KIF13B: variants seen among roughly 807,000 people sequenced by gnomAD.
KIF13B encodes kinesin-like protein KIF13B.
A neutral mutation model predicts 222.0 loss-of-function variants in KIF13B; 127 were observed. The observed-to-expected ratio is 0.57, with a 90% CI of 0.50 to 0.66. The LOEUF (loss-of-function observed/expected upper bound fraction) is 0.66. KIF13B is among the 30% of genes least tolerant of loss of function. The pLI, the probability that KIF13B is intolerant of heterozygous loss-of-function variation, is 0.00. For missense variants in KIF13B, 2,173 were observed against 2,379.0 expected, an observed-to-expected ratio of 0.91 and a Z score of 1.80; for synonymous variants, 976 against 919.0, an observed-to-expected ratio of 1.06 and a Z score of -1.12.
At position 29,084,978 on chromosome 8, in the gene KIF13B, AAAAC is replaced by A. The variant is rs369008674; in HGVS notation, c.4458+7763_4458+7766del. On this transcript the variant is annotated intron_variant, in intron 37 of 39. Transcript: ENST00000524189. ...CTCAGACAGAAATTGACTACAAACA[AAAAC>A]AAATCTCCATAAAAATGAGAAACAT... 2.0e-4 allele frequency among the ~76,000 whole-genome samples: 30 copies of A among 152,374 alleles called. 1 individual carries two copies. The highest frequency in any genetic ancestry group is 6.7e-4 in the African/African-American group (28 of 41,594).
At chr8:29,142,443 C>T in intron 18 of KIF13B, 140 bp from the exon 19 acceptor site, 1 of 716,208 alleles carries the variant, frequency 1.4e-6, no homozygotes, top group East Asian at 2.7e-5. Flanking sequence ...ATTACAAAGC[C>T]TCCAAAAAGT....
At chr8:29,214,272 GATTCTTGTAATAACAGTCAGGTTAAAAC>G (rs1349936154) in intron 2 of KIF13B, among the ~76,000 whole-genome samples, 2 of 151,322 alleles carry the variant, frequency 1.3e-5, no homozygotes, top group Non-Finnish European at 2.9e-5. Context: ...TTAACTTTTT[GATTCTTGTAATAACAGTCAGGTTAAAAC>G]ACAAACACTA....
chr8:29,219,842 C>T lies in KIF13B; in HGVS notation c.150-23643G>A, dbSNP rs978039536. Among the ~76,000 whole-genome samples the T allele has an allele frequency of 3.3e-5, 5 of 152,116 alleles. No homozygotes were observed. The East Asian group carries it at 5.8e-4, about 18-fold the overall frequency. ...CTGTGGGAGGCCAAGGCAGGCAGAT[C>T]GCTTGAACCCAGGAATTCAAGACCA... On this transcript the variant is annotated intron_variant, in intron 2 of 39. Transcript: ENST00000524189.
Position 29,070,771 on chromosome 8 carries a change from G to T in KIF13B, c.5219-5C>A. On this transcript the variant is annotated splice_polypyrimidine_tract_variant and splice_region_variant and intron_variant, in intron 39 of 39. Coordinates refer to ENST00000524189, the MANE Select transcript of KIF13B (RefSeq NM_015254.4). This position sits in a 1 kb window ranked among gnomAD's most constrained non-coding sequence, Gnocchi z 4.1. ...CGATGGAACCGTCATTCTTACCTGC[G>T]GGGGAAGGAGAGGGTGATATGGAGG... 1 of 1,586,214 alleles carries T rather than the reference G, an allele frequency of 6.3e-7. No homozygotes were observed. The highest frequency in any genetic ancestry group is 2.3e-5 in the East Asian group (1 of 43,478).
At chr8:29,106,688 A>C (rs1809088621) in intron 35 of KIF13B, among the ~76,000 whole-genome samples, 1 of 150,786 alleles carries the variant, frequency 6.6e-6, no homozygotes, top group Admixed American at 6.6e-5. Context: ...CTTAATCTTC[A>C]TTGTTCTTAA....
chr8:29,155,862 A>T lies in KIF13B; in HGVS notation c.1405-6T>A. ...GACCCTATCAATGTATGTTCCTAAG[A>T]AAAAACCAAATTCACTGATTAATAC... is the stretch of plus-strand genomic sequence containing the variant. On this transcript the variant is annotated splice_polypyrimidine_tract_variant and splice_region_variant and intron_variant, in intron 13 of 39. Transcript: ENST00000524189. The T allele has an allele frequency of 1.3e-6, 2 of 1,559,398 alleles. No individual in the cohort carries two copies. Among genetic ancestry groups the T allele is most frequent in the Admixed American group, 3.8e-5 (2 of 52,940 alleles).
intron 2 of KIF13B, among the ~76,000 whole-genome samples, chr8:29,200,982 C>A (rs1379582901): frequency 2.0e-5 from 3 of 152,218 alleles, no homozygotes; most frequent in Non-Finnish European, 2.9e-5. Context: ...AAGGCTGGAT[C>A]TATGAGGTTT....
At position 29,117,021 on chromosome 8, in the gene KIF13B, A is replaced by G. The variant is rs1365301934; in HGVS notation, c.3661-14T>C. ...TTCTGCTTTCACCTGGAGAGAAGACAGAGAGGAAACAGGTTTCTCTCTTCT... is the reference window on the plus strand; with the variant it reads ...TTCTGCTTTCACCTGGAGAGAAGACGGAGAGGAAACAGGTTTCTCTCTTCT... On this transcript the variant is annotated splice_polypyrimidine_tract_variant and intron_variant, in intron 30 of 39. Coordinates refer to ENST00000524189, the MANE Select transcript of KIF13B (RefSeq NM_015254.4). The G allele has an allele frequency of 2.6e-6, 4 of 1,544,074 alleles. No individual in the cohort carries two copies.
chr8:29,088,913 TG>T (rs762236086), intron 37 of KIF13B, among the ~76,000 whole-genome samples: 276 of 152,384 alleles, frequency 1.8e-3, no homozygotes, highest in Admixed American at 4.3e-3. Context: ...TTAGTAGAGA[TG>T]GTCAGTGAAA....
At chr8:29,222,369 CAAAACA>C (rs1041397806) in intron 2 of KIF13B, among the ~76,000 whole-genome samples, 77 of 152,078 alleles carry the variant, frequency 5.1e-4, no homozygotes, top group African/African-American at 1.9e-3. Context: ...AAAAACAAAA[CAAAACA>C]AATAGTACTT....
chr8:29,186,576 A>G (rs1466192914), intron 5 of KIF13B, 104 bp from the exon 6 acceptor site: 1 of 827,368 alleles, frequency 1.2e-6, no homozygotes, highest in Non-Finnish European at 1.9e-6. Context: ...GCCAAAATGC[A>G]GTGAGAAATA....
chr8:29,099,054 T>G, intron 36 of KIF13B, 79 bp downstream of exon 36: 3 of 1,117,128 alleles, frequency 2.7e-6, no homozygotes, highest in Non-Finnish European at 4.1e-6. Context: ...AGTGGCTGCC[T>G]GGCAGGAAAT....
chr8:29,163,845 T>C (rs11778025), intron 12 of KIF13B, among the ~76,000 whole-genome samples: 88,000 of 152,046 alleles, frequency 0.58, 26,028 homozygotes, highest in Admixed American at 0.66. Context: ...ATCAGCACAA[T>C]GACTCATGAC....
intron 37 of KIF13B, among the ~76,000 whole-genome samples, chr8:29,087,018 C>T (rs1011042791): frequency 2.6e-5 from 4 of 152,336 alleles, no homozygotes; most frequent in South Asian, 2.1e-4. Flanking sequence ...CACGCAGAGC[C>T]GTAGCCACGC....
chr8:29,092,098 A>G (rs1356584607), intron 37 of KIF13B, among the ~76,000 whole-genome samples: 2 of 152,254 alleles, frequency 1.3e-5, no homozygotes, highest in African/African-American at 4.8e-5. Flanking sequence ...TTTTTGAATG[A>G]GTATAAATAA....
chr8:29,070,844 G>A lies in KIF13B; in HGVS notation c.5219-78C>T, dbSNP rs1807236400. 1 of 1,484,918 alleles carries A rather than the reference G, an allele frequency of 6.7e-7. No individual in the cohort carries two copies. The highest frequency in any genetic ancestry group is 1.4e-5 in the African/African-American group (1 of 71,060). The allele number at this position is 1,484,918 out of a possible 1,614,324, so 92.0% of individuals were successfully genotyped here. A position where few individuals can be genotyped will look rare whatever the true frequency, so the allele number is the denominator to read the frequency against. ...CCTGCACCTCCCTTACCTCTGCAGA[G>A]GCCATGTGCCCACACTGCCACCCCC... On this transcript the variant is annotated intron_variant, in intron 39 of 39. Transcript: ENST00000524189. This position sits in a 1 kb window ranked among gnomAD's most constrained non-coding sequence, Gnocchi z 4.1.
chr8:29,238,086 A>C (rs1028665586), intron 2 of KIF13B, among the ~76,000 whole-genome samples: 2 of 152,220 alleles, frequency 1.3e-5, no homozygotes, highest in African/African-American at 4.8e-5. Context: ...CACAGCAGAG[A>C]GAACAAACAG....
chr8:29,174,042 A>T (rs1195626753), intron 10 of KIF13B, among the ~76,000 whole-genome samples: 3 of 152,218 alleles, frequency 2.0e-5, no homozygotes, highest in Non-Finnish European at 4.4e-5. Context: ...ATATGTAAAC[A>T]TAGTAATATA....
intron 21 of KIF13B, among the ~76,000 whole-genome samples, chr8:29,138,995 A>C (rs933255780): frequency 5.9e-5 from 9 of 152,234 alleles, no homozygotes; most frequent in Admixed American, 2.6e-4. Flanking sequence ...ACACTGAACT[A>C]TTTACAGATA....
Sources: allele counts gnomAD v4.1 joint callset (sites outside exome capture counted in the v4.1 genomes callset), GRCh38; gene constraint gnomAD v4.1.1; non-coding constraint Gnocchi (gnomAD v3.1); transcripts MANE v1.5; gene names NCBI Gene and HGNC (gene_info 2026-07-23, HGNC 2026-07-21).